Variants in SGCD observed in about 807,000 individuals in gnomAD.
SGCD encodes delta-sarcoglycan.
SGCD carries 18 observed loss-of-function variants against 36.6 expected under a neutral mutation model. The observed-to-expected ratio is 0.49, with a 90% CI of 0.34 to 0.73. The LOEUF is 0.73. Among genes scored for constraint, SGCD ranks in the 30% least tolerant of loss-of-function variants. The pLI, the probability that SGCD is intolerant of heterozygous loss-of-function variation, is 0.01. For missense variants in SGCD, 387 were observed against 346.7 expected (o/e 1.12, Z -0.92); for synonymous variants, 133 against 130.6 (o/e 1.02, Z -0.12).
At chr5:156,527,724 C>T (rs1331504425) in intron 4 of SGCD, among the ~76,000 whole-genome samples, 1 of 152,158 alleles carries the variant, frequency 6.6e-6, no homozygotes, top group African/African-American at 2.4e-5. Flanking sequence ...TTTGAACCCC[C>T]AAATCCAAAC....
intron 7 of SGCD, among the ~76,000 whole-genome samples, chr5:156,747,283 G>T (rs1339159527): frequency 6.6e-6 from 1 of 152,158 alleles, no homozygotes. Flanking sequence ...TTAATCTATT[G>T]CTGTGTAACG....
At chr5:156,332,346 C>A (rs1314901492) in intron 2 of SGCD, among the ~76,000 whole-genome samples, 1 of 152,188 alleles carries the variant, frequency 6.6e-6, no homozygotes, top group Non-Finnish European at 1.5e-5. Context: ...CTAGAAAAAG[C>A]TGAAGATGGG....
chr5:155,945,188 G>A (rs1317566475), intron 1 of SGCD, among the ~76,000 whole-genome samples: 11 of 152,184 alleles, frequency 7.2e-5, no homozygotes, highest in Non-Finnish European at 1.3e-4. Context: ...TTCAAGCAGA[G>A]TTTGTAAAAC....
intron 3 of SGCD, among the ~76,000 whole-genome samples, chr5:156,454,268 G>A (rs899174124): frequency 2.0e-5 from 3 of 152,128 alleles, no homozygotes; most frequent in African/African-American, 7.2e-5. Flanking sequence ...ATAAAACCTT[G>A]TTATATCAGT....
the SGCD span, among the ~76,000 whole-genome samples, chr5:155,784,981 A>G: frequency 6.6e-6 from 1 of 152,042 alleles, no homozygotes; most frequent in East Asian, 1.9e-4. Context: ...ATTTATTATG[A>G]ATTTGTAGTG....
At chr5:156,723,177 T>C (rs1755596138) in intron 7 of SGCD, among the ~76,000 whole-genome samples, 1 of 152,130 alleles carries the variant, frequency 6.6e-6, no homozygotes, top group African/African-American at 2.4e-5. Flanking sequence ...CTACAAGGAA[T>C]GAAAGGGAAG....
chr5:156,192,808 A>G (rs1279601964), intron 3 of SGCD, among the ~76,000 whole-genome samples: 1 of 144,858 alleles, frequency 6.9e-6, no homozygotes, highest in Non-Finnish European at 1.5e-5. Context: ...CACACCTACA[A>G]AGGCATTCTG....
upstream of SGCD, among the ~76,000 whole-genome samples, chr5:156,323,566 A>T (rs1454919358): frequency 6.6e-6 from 1 of 152,000 alleles, no homozygotes; most frequent in African/African-American, 2.4e-5. Context: ...CAGAAAATGA[A>T]GTAGACAAAA....
intron 6 of SGCD, among the ~76,000 whole-genome samples, chr5:156,597,630 G>T (rs879557341): frequency 6.6e-6 from 1 of 152,160 alleles, no homozygotes; most frequent in Non-Finnish European, 1.5e-5. Flanking sequence ...AAACCATGTC[G>T]GTGAGGATTT....
At chr5:156,544,653 T>A (rs1263739842) in intron 4 of SGCD, among the ~76,000 whole-genome samples, 4 of 151,906 alleles carry the variant, frequency 2.6e-5, no homozygotes, top group Non-Finnish European at 5.9e-5. Context: ...AAGGACAATA[T>A]TTTTCCCATA....
At position 156,610,785 on chromosome 5, in the gene SGCD, C is replaced by T. The variant is rs932225211; in HGVS notation, c.502+15734C>T. ...CCTCGCTGCCACCTTGCAGTTTGAT[C>T]TCAGACTCCTGTGCTGGCAGTGAGC... On this transcript the variant is annotated intron_variant, in intron 6 of 8. Transcript: ENST00000337851. Among the ~76,000 whole-genome samples, 16 of 152,350 alleles carry T rather than the reference C, an allele frequency of 1.1e-4. 1 individual carries two copies. Among genetic ancestry groups the T allele is most frequent in the African/African-American group, 3.8e-4 (16 of 41,572 alleles).
intron 1 of SGCD, among the ~76,000 whole-genome samples, chr5:155,959,282 G>A (rs1757737505): frequency 6.6e-6 from 1 of 151,940 alleles, no homozygotes; most frequent in African/African-American, 2.4e-5. Flanking sequence ...TATAACCCAG[G>A]CCCTGAGCCA....
chr5:156,245,758 ATAACT>A (rs1174213570), intron 3 of SGCD, among the ~76,000 whole-genome samples: 1 of 152,134 alleles, frequency 6.6e-6, no homozygotes, highest in Non-Finnish European at 1.5e-5. Flanking sequence ...AAGACAACAA[ATAACT>A]TAAAAAAAAT....
At chr5:156,321,235 T>G (rs763619740) in intron 3 of SGCD, among the ~76,000 whole-genome samples, 1 of 152,018 alleles carries the variant, frequency 6.6e-6, no homozygotes, top group Admixed American at 6.6e-5. Flanking sequence ...CTGGCTAACA[T>G]GGTGAAACCC....
intron 6 of SGCD, among the ~76,000 whole-genome samples, chr5:156,611,316 T>G (rs1316270262): frequency 2.6e-5 from 4 of 152,260 alleles, no homozygotes; most frequent in Non-Finnish European, 4.4e-5. Flanking sequence ...ACGAATTCCC[T>G]CAGCTTTTGC....
At chr5:156,674,515 G>C (rs192609487) in intron 7 of SGCD, among the ~76,000 whole-genome samples, 56 of 152,248 alleles carry the variant, frequency 3.7e-4, no homozygotes, top group African/African-American at 1.3e-3. Context: ...AGTGGTAAAC[G>C]ATCTCCCATA....
intron 3 of SGCD, among the ~76,000 whole-genome samples, chr5:156,436,753 A>G (rs1753263896): frequency 6.6e-6 from 1 of 152,188 alleles, no homozygotes. Flanking sequence ...CTTGAAGGAA[A>G]TGTCCAAACT....
chr5:156,594,875 T>TTCTC (rs138491950), intron 5 of SGCD, 57 bp from the exon 6 acceptor site: 2 of 1,155,542 alleles, frequency 1.7e-6, no homozygotes, highest in South Asian at 1.3e-5. Context: ...TAATGGTGTT[T>TTCTC]TCTCTCTCTC....
intron 7 of SGCD, among the ~76,000 whole-genome samples, chr5:156,698,529 A>G (rs760530864): frequency 6.6e-6 from 1 of 152,216 alleles, no homozygotes; most frequent in African/African-American, 2.4e-5. Context: ...GCAGAACAGG[A>G]GTCCCTTCCA....
Sources: allele counts gnomAD v4.1 joint callset (sites outside exome capture counted in the v4.1 genomes callset), GRCh38; gene constraint gnomAD v4.1.1; transcripts MANE v1.5; gene names NCBI Gene and HGNC (gene_info 2026-07-23, HGNC 2026-07-21).